Variants in IL21 observed in about 807,000 individuals in gnomAD.
IL21 encodes the protein interleukin-21.
Under a neutral mutation model 18.4 loss-of-function variants are expected in IL21, and 3 were observed. The ratio of observed to expected loss-of-function variants is 0.16; its 90% CI spans 0.07 to 0.42. The LOEUF is 0.42. IL21 is among the 10% of genes least tolerant of loss of function. The pLI is 0.99. For synonymous variants in IL21, 37 were observed against 62.0 expected, an observed-to-expected ratio of 0.60 and a Z score of 1.90; for missense variants, 130 against 188.4, an observed-to-expected ratio of 0.69 and a Z score of 1.81.
intron 2 of IL21, chr4:122,620,214 A>G (rs1799405904): frequency 6.5e-6 from 1 of 153,338 alleles, no homozygotes; most frequent in South Asian, 2.1e-4. Flanking sequence ...CCACACCACC[A>G]TTTCTCCATG....
rs1348593702 is a variant in IL21 at position 122,611,031 on chromosome 4, A to G, written c.*1679T>C. On this transcript the variant is annotated 3_prime_UTR_variant, in exon 5 of 5. Coordinates refer to ENST00000648588, the MANE Select transcript of IL21 (RefSeq NM_021803.4). ...TAACAATAAACATGCCAAAAGAAATACATTATTTTAAATATGAAATACAAT... is the reference window on the plus strand; with the variant it reads ...TAACAATAAACATGCCAAAAGAAATGCATTATTTTAAATATGAAATACAAT... 1.3e-5 allele frequency among the ~76,000 whole-genome samples: 2 copies of G among 152,352 alleles called. No individual in the cohort carries two copies. Among genetic ancestry groups the G allele is most frequent in the East Asian group, 3.9e-4 (2 of 5,190 alleles).
chr4:122,615,037 A>C (rs1799316956), intron 3 of IL21, among the ~76,000 whole-genome samples: 1 of 152,202 alleles, frequency 6.6e-6, no homozygotes, highest in Non-Finnish European at 1.5e-5. Context: ...AATACAAGTT[A>C]TCTGTGACCA....
chr4:122,611,549 C>A lies in IL21; in HGVS notation c.*1161G>T, dbSNP rs1489942168. ...GTTTTTAACTTCATGTTTAAACAAGCTGTGCTGGAGTTGATATGAAATGGC... is the reference window on the plus strand; with the variant it reads ...GTTTTTAACTTCATGTTTAAACAAGATGTGCTGGAGTTGATATGAAATGGC... On this transcript the variant is annotated 3_prime_UTR_variant, in exon 5 of 5. Coordinates refer to ENST00000648588, the MANE Select transcript of IL21 (RefSeq NM_021803.4). 6.6e-6 allele frequency among the ~76,000 whole-genome samples: 1 copy of A among 152,164 alleles called. No individual in the cohort carries two copies. The highest frequency in any genetic ancestry group is 1.5e-5 in the Non-Finnish European group (1 of 68,010).
Position 122,612,803 on chromosome 4 carries a change from G to A in IL21, c.439-43C>T, listed in dbSNP as rs753796055. The stretch of plus-strand genomic sequence containing the variant: ...CGTGAGTAACTAAGAAGCAAATCTG[G>A]ATAGGTAAAGATAAAGCAGAAAATC... On this transcript the variant is annotated intron_variant, in intron 4 of 4. Coordinates refer to ENST00000648588, the MANE Select transcript of IL21 (RefSeq NM_021803.4). 13 of 1,612,422 alleles carry A rather than the reference G, an allele frequency of 8.1e-6. No homozygotes were observed. The Admixed American group carries it at 2.2e-4, about 27-fold the overall frequency.
At chr4:122,619,091 T>A (rs932087430) in intron 2 of IL21, 1 of 152,184 alleles carries the variant, frequency 6.6e-6, no homozygotes, top group African/African-American at 2.4e-5. Flanking sequence ...CCACTGGTTA[T>A]ATGATTAGAC....
At chr4:122,618,039 G>A (rs550311635) in intron 2 of IL21, among the ~76,000 whole-genome samples, 1 of 152,214 alleles carries the variant, frequency 6.6e-6, no homozygotes, top group East Asian at 1.9e-4. Flanking sequence ...GCTATGCCTT[G>A]GTGACAACAG....
At position 122,620,937 on chromosome 4, in the gene IL21, G is replaced by C. The variant is rs778852881; in HGVS notation, c.75C>G (p.His25Gln). ...LMVIFLGTLV[H>Q]KSSSQGQDRH... ...GATCTTGACCTTGGGAGCTTGATTT[G>C]TGGACCAGTGTCCCCAAGAAGATGA... The change falls in exon 1 of 5, where the codon CAC becomes CAG. Residue 25 changes from histidine to glutamine, a missense_variant. Coordinates refer to ENST00000648588, the MANE Select transcript of IL21 (RefSeq NM_021803.4). 2 of 1,613,974 alleles carry C rather than the reference G, an allele frequency of 1.2e-6. No homozygotes were observed. The highest frequency in any genetic ancestry group is 1.7e-6 in the Non-Finnish European group (2 of 1,179,912).
At position 122,615,667 on chromosome 4, in the gene IL21, A is replaced by T; in HGVS notation, c.360+15T>A. 6.2e-7 allele frequency: 1 copy of T among 1,607,038 alleles called. No individual in the cohort carries two copies. Among genetic ancestry groups the T allele is most frequent in the Non-Finnish European group, 8.5e-7 (1 of 1,176,868 alleles). ...TATAAGTACAAATAAGAGAGATGAC[A>T]AATGACAATCTTACTAGTCTGTGTT... On this transcript the variant is annotated intron_variant, in intron 3 of 4. Transcript: ENST00000648588.
At chr4:122,619,071 C>A (rs992402718) in intron 2 of IL21, 4 of 151,860 alleles carry the variant, frequency 2.6e-5, no homozygotes, top group Non-Finnish European at 4.4e-5. Flanking sequence ...AAATCACCAC[C>A]GGTTGAGAAC....
chr4:122,617,592 C>A (rs990839151), intron 2 of IL21, among the ~76,000 whole-genome samples: 4 of 152,188 alleles, frequency 2.6e-5, no homozygotes, highest in African/African-American at 9.7e-5. Context: ...ACTCAAAGCA[C>A]TGAAATTGTA....
intron 2 of IL21, among the ~76,000 whole-genome samples, chr4:122,617,037 C>T (rs1019801300): frequency 2.0e-5 from 3 of 152,290 alleles, no homozygotes; most frequent in Middle Eastern, 3.4e-3. Context: ...TTTGCATTTT[C>T]CAACCCATAT....
chr4:122,618,596 A>G (rs1799374841), intron 2 of IL21, among the ~76,000 whole-genome samples: 1 of 151,970 alleles, frequency 6.6e-6, no homozygotes, highest in Non-Finnish European at 1.5e-5. Context: ...CACGGGGTCA[A>G]GAGATTGAGA....
At position 122,615,776 on chromosome 4, in the gene IL21, G is replaced by A. The variant is rs762683817; in HGVS notation, c.266C>T (p.Thr89Ile). Reference protein sequence around the residue: ...FQKAQLKSANTGNNERIINVS... With the variant: ...FQKAQLKSANIGNNERIINVS... ...ATTGATTATCCTTTCATTGTTTCCTGTATTTGCTGACTTTAGTTGGGCCTT... is the reference window on the plus strand; with the variant it reads ...ATTGATTATCCTTTCATTGTTTCCTATATTTGCTGACTTTAGTTGGGCCTT... Residue 89 changes from threonine to isoleucine, a missense_variant, in exon 3 of 5, where the codon ACA becomes ATA. Transcript: ENST00000648588. The A allele has an allele frequency of 2.5e-6, 4 of 1,613,432 alleles. No individual in the cohort carries two copies. In the South Asian group the frequency reaches 4.4e-5, roughly 18 times the overall value.
At position 122,614,717 on chromosome 4, in the gene IL21, T is replaced by A. The variant is rs79666530; in HGVS notation, c.360+965A>T. Among the ~76,000 whole-genome samples, 227 of 151,296 alleles carry A rather than the reference T, an allele frequency of 1.5e-3. 3 individuals are homozygous for A. Among genetic ancestry groups the A allele is most frequent in the African/African-American group, 5.2e-3 (214 of 41,148 alleles). On this transcript the variant is annotated intron_variant, in intron 3 of 4. Coordinates refer to ENST00000648588, the MANE Select transcript of IL21 (RefSeq NM_021803.4). ...TGAGACTCTGTCTCAAAAAAAAAAA[T>A]TTTTTTTGAGAGTAATTTATTTTAT...
intron 2 of IL21, chr4:122,619,915 A>G (rs929274248): frequency 1.3e-5 from 2 of 152,222 alleles, no homozygotes; most frequent in Non-Finnish European, 2.9e-5. Context: ...AATTTATGCA[A>G]TTAAAGGTCT....
chr4:122,614,007 A>C (rs1799301818), intron 3 of IL21, among the ~76,000 whole-genome samples: 1 of 152,226 alleles, frequency 6.6e-6, no homozygotes, highest in East Asian at 1.9e-4. Context: ...ATCCCTATTT[A>C]GATACCAAAC....
chr4:122,613,014 T>G (rs754027482), intron 3 of IL21, 86 bp from the exon 4 acceptor site: 5 of 764,878 alleles, frequency 6.5e-6, no homozygotes, highest in African/African-American at 3.5e-5. Context: ...ATTAAAAACA[T>G]AAATTATGTT....
At chr4:122,614,784 T>G (rs1487628183) in intron 3 of IL21, among the ~76,000 whole-genome samples, 2 of 152,190 alleles carry the variant, frequency 1.3e-5, no homozygotes, top group Admixed American at 1.3e-4. Context: ...ACTCATGTTC[T>G]TGGGTATCTG....
Position 122,612,597 on chromosome 4 carries a change from A to C in IL21, c.*113T>G. 1.4e-6 allele frequency: 1 copy of C among 735,326 alleles called. No homozygotes were observed. The highest frequency in any genetic ancestry group is 2.4e-6 in the Non-Finnish European group (1 of 425,420). 45.6% of individuals were successfully genotyped at this position (735,326 alleles called of 1,614,324 possible). On this transcript the variant is annotated 3_prime_UTR_variant, in exon 5 of 5. Coordinates refer to ENST00000648588, the MANE Select transcript of IL21 (RefSeq NM_021803.4). ...ATAATCCTGACTTTGCACACTTATG[A>C]GTTTTTTTTTCCCATCGCTAATATA...
Sources: gnomAD v4.1 joint callset for allele counts (sites outside exome capture counted in the v4.1 genomes callset) on GRCh38, gnomAD v4.1.1 for gene constraint, MANE v1.5 for transcripts, NCBI Gene and HGNC (gene_info 2026-07-23, HGNC 2026-07-21) for gene names.